Variants in NOTCH2 observed in about 807,000 individuals in gnomAD.
NOTCH2 encodes the protein notch receptor 2.
In NOTCH2, 29 loss-of-function variants were observed where a neutral mutation model predicts 235.8. The observed-to-expected ratio is 0.12, with a 90% CI of 0.09 to 0.17. The LOEUF is 0.17. NOTCH2 is among the 10% of genes least tolerant of loss of function. The pLI is 1.00. For synonymous variants in NOTCH2, 1,086 were observed against 1,141.5 expected, an observed-to-expected ratio of 0.95 and a Z score of 0.98; for missense variants, 2,285 against 3,150.2, an observed-to-expected ratio of 0.73 and a Z score of 6.57.
intron 1 of NOTCH2, among the ~76,000 whole-genome samples, chr1:120,064,849 A>T (rs1284943154): frequency 6.6e-6 from 1 of 151,178 alleles, no homozygotes; most frequent in East Asian, 1.9e-4. Flanking sequence ...AATCTCAAAA[A>T]AAATTATCAA....
At chr1:120,001,253 G>A (rs1459816995) in intron 3 of NOTCH2, among the ~76,000 whole-genome samples, 1 of 152,102 alleles carries the variant, frequency 6.6e-6, no homozygotes, top group Non-Finnish European at 1.5e-5. Context: ...GGTACCAAGA[G>A]TGGGGTTTTT....
At chr1:119,979,038 C>G (rs1651708602) in intron 5 of NOTCH2, among the ~76,000 whole-genome samples, 1 of 152,102 alleles carries the variant, frequency 6.6e-6, no homozygotes, top group Non-Finnish European at 1.5e-5. Context: ...CCTGTACACT[C>G]AAGACATTTA....
chr1:119,965,756 T>C (rs949160033), intron 9 of NOTCH2, among the ~76,000 whole-genome samples, 190 bp from the exon 10 acceptor site: 3 of 152,228 alleles, frequency 2.0e-5, no homozygotes, highest in Non-Finnish European at 2.9e-5. Flanking sequence ...GTGGTGTGTC[T>C]CTACCATTGC....
At chr1:119,960,106 G>A (rs782473144) in intron 11 of NOTCH2, among the ~76,000 whole-genome samples, 1 of 152,182 alleles carries the variant, frequency 6.6e-6, no homozygotes, top group Non-Finnish European at 1.5e-5. Flanking sequence ...AATTGAAAGA[G>A]CAACTGACAG....
intron 2 of NOTCH2, among the ~76,000 whole-genome samples, chr1:120,010,787 C>A (rs1431533271): frequency 6.6e-6 from 1 of 151,922 alleles, no homozygotes; most frequent in Admixed American, 6.6e-5. Flanking sequence ...AGGTATATAC[C>A]CGAGATAACT....
chr1:119,939,636 C>T (rs141964270), intron 19 of NOTCH2, among the ~76,000 whole-genome samples: 181 of 152,318 alleles, frequency 1.2e-3, no homozygotes, highest in African/African-American at 4.1e-3. Context: ...AATTCACACA[C>T]GGAGTGGCTT....
chr1:119,983,263 G>A (rs1229500891), intron 5 of NOTCH2, among the ~76,000 whole-genome samples: 1 of 151,510 alleles, frequency 6.6e-6, no homozygotes, highest in African/African-American at 2.4e-5. Context: ...ATGTGCAGTG[G>A]CGTGATTAGC....
intron 17 of NOTCH2, among the ~76,000 whole-genome samples, chr1:119,944,231 A>G (rs1650172728): frequency 6.6e-6 from 1 of 152,130 alleles, no homozygotes; most frequent in African/African-American, 2.4e-5. Flanking sequence ...TCCAAACAGA[A>G]GAAACATAAA....
chr1:119,929,216 G>A lies in NOTCH2; in HGVS notation c.3656-4C>T. 1.9e-6 allele frequency: 3 copies of A among 1,609,580 alleles called. No homozygotes were observed. The highest frequency in any genetic ancestry group is 2.6e-6 in the Non-Finnish European group (3 of 1,175,790). ...ATGTTCTCTTCACAGAGTAGGCCTG[G>A]AGGAAAGAGAAGAGGTACAGAATTA... On this transcript the variant is annotated splice_polypyrimidine_tract_variant and splice_region_variant and intron_variant, in intron 22 of 33. Coordinates refer to ENST00000256646, the MANE Select transcript of NOTCH2 (RefSeq NM_024408.4).
Position 119,941,769 on chromosome 1 carries a change from A to G in NOTCH2, c.2753-15T>C. The G allele has an allele frequency of 6.3e-7, 1 of 1,576,504 alleles. No individual in the cohort carries two copies. The highest frequency in any genetic ancestry group is 8.7e-7 in the Non-Finnish European group (1 of 1,145,940). ...CTGGCAAGGATCTAAGCCATTACAA[A>G]AGAATTAGACCTCTGAAGAGTAGCA... is the stretch of plus-strand genomic sequence containing the variant. On this transcript the variant is annotated splice_polypyrimidine_tract_variant and intron_variant, in intron 17 of 33. Coordinates refer to ENST00000256646, the MANE Select transcript of NOTCH2 (RefSeq NM_024408.4).
intron 2 of NOTCH2, among the ~76,000 whole-genome samples, chr1:120,029,351 T>A (rs10923938): frequency 0.032 from 4,850 of 150,540 alleles, 301 homozygotes; most frequent in East Asian, 0.31. Context: ...TTTTTTATAT[T>A]TTTTTTTATT....
chr1:119,959,387 T>A lies in NOTCH2; in HGVS notation c.2026+5A>T, dbSNP rs142615729. On this transcript the variant is annotated splice_donor_5th_base_variant and intron_variant, in intron 12 of 33. Coordinates refer to ENST00000256646, the MANE Select transcript of NOTCH2 (RefSeq NM_024408.4). ...GGAGGGGCCTTGCAGTAAAAGGAGCTTTACCTGTGAATCCTGGTGAGCAGA... is the reference window on the plus strand; with the variant it reads ...GGAGGGGCCTTGCAGTAAAAGGAGCATTACCTGTGAATCCTGGTGAGCAGA... 6.5e-7 allele frequency: 1 copy of A among 1,542,274 alleles called. No homozygotes were observed. Among genetic ancestry groups the A allele is most frequent in the African/African-American group, 1.4e-5 (1 of 73,670 alleles).
At position 119,921,794 on chromosome 1, in the gene NOTCH2, T is replaced by A; in HGVS notation, c.5229A>T (p.Gln1743His). ...DAVGLKNLSVQVSEANLIGTG... is the reference protein window; with the variant it reads ...DAVGLKNLSVHVSEANLIGTG... ...TACCAATTAGGTTAGCTTCTGAGAC[T>A]TGCACTGAGAGATTTCTAATATGAT... The change falls in exon 29 of 34, where the codon CAA becomes CAT. Residue 1743 changes from glutamine (Q) to histidine (H), a missense_variant. Around this residue, in one of 6 missense-constraint regions of NOTCH2, gnomAD observed 1,173 missense variants for 1,515.3 expected, o/e 0.77. Coordinates refer to ENST00000256646, the MANE Select transcript of NOTCH2 (RefSeq NM_024408.4). The A allele has an allele frequency of 6.2e-7, 1 of 1,613,378 alleles. No homozygotes were observed. Among genetic ancestry groups the A allele is most frequent in the Non-Finnish European group, 8.5e-7 (1 of 1,179,268 alleles).
chr1:119,973,718 T>C (rs943888359), intron 5 of NOTCH2, among the ~76,000 whole-genome samples: 8 of 151,344 alleles, frequency 5.3e-5, no homozygotes, highest in African/African-American at 1.9e-4. Context: ...GATATTTGAG[T>C]GGGAAAAGTT....
chr1:119,967,976 G>T, intron 7 of NOTCH2, 101 bp downstream of exon 7: 2 of 1,295,692 alleles, frequency 1.5e-6, no homozygotes, highest in South Asian at 1.2e-5. Context: ...TCTGAGGTTT[G>T]GGTGTATGTA....
intron 22 of NOTCH2, among the ~76,000 whole-genome samples, chr1:119,933,385 T>TA (rs201968633): frequency 0.026 from 3,907 of 152,118 alleles, 181 homozygotes; most frequent in African/African-American, 0.09. Context: ...TAAGTCAGGA[T>TA]AAAAAAATAC....
In NOTCH2 at chr1:119,912,236, C is replaced by T. The variant is rs1648918796; in HGVS notation, c.*3070G>A. ...TTTCTCATACAAACAGATATAATAT[C>T]ACTTTTAAGAGAAATGTACACAAGG... On this transcript the variant is annotated 3_prime_UTR_variant, in exon 34 of 34. Transcript: ENST00000256646. 2 of 233,208 alleles carry T rather than the reference C, an allele frequency of 8.6e-6. No homozygotes were observed. 14.4% of individuals were successfully genotyped at this position (233,208 alleles called of 1,614,324 possible). A position where few individuals can be genotyped will look rare whatever the true frequency, so the allele number is the denominator to read the frequency against.
intron 5 of NOTCH2, among the ~76,000 whole-genome samples, chr1:119,974,387 T>C (rs1651482311): frequency 6.6e-6 from 1 of 152,338 alleles, no homozygotes; most frequent in South Asian, 2.1e-4. Flanking sequence ...TCTTATTTCC[T>C]ATGGGCAAAA....
At chr1:119,957,829 A>AACACACACACACACACAC (rs3222739) in intron 12 of NOTCH2, among the ~76,000 whole-genome samples, 55 of 116,500 alleles carry the variant, frequency 4.7e-4, no homozygotes, top group East Asian at 2.1e-3. Flanking sequence ...GCCTTATATA[A>AACACACACACACACACAC]ACACACACAC....
Sources: allele counts gnomAD v4.1 joint callset (sites outside exome capture counted in the v4.1 genomes callset), GRCh38; gene constraint gnomAD v4.1.1; regional missense constraint gnomAD v4.1.1; transcripts MANE v1.5; gene names NCBI Gene and HGNC (gene_info 2026-07-23, HGNC 2026-07-21).